Variants in FHIT observed in about 807,000 individuals in gnomAD.
FHIT encodes the protein fragile histidine triad diadenosine triphosphatase.
A neutral mutation model predicts 17.9 loss-of-function variants in FHIT; 19 were observed. That is an observed-to-expected ratio of 1.06 (90% CI 0.74 to 1.56). The LOEUF (loss-of-function observed/expected upper bound fraction) is 1.56, where lower values mean the gene tolerates loss of function less well. FHIT is among the 40% of genes most tolerant of loss of function. The pLI, the probability that FHIT is intolerant of heterozygous loss-of-function variation, is 0.00. For missense variants in FHIT, 248 were observed against 189.2 expected, an observed-to-expected ratio of 1.31 and a Z score of -1.82; for synonymous variants, 81 against 69.7, an observed-to-expected ratio of 1.16 and a Z score of -0.81.
intron 3 of FHIT, among the ~76,000 whole-genome samples, chr3:60,881,955 TA>T (rs1204116245): frequency 6.6e-6 from 1 of 151,920 alleles, no homozygotes; most frequent in Non-Finnish European, 1.5e-5. Context: ...GATCAATTTT[TA>T]AAACTTTTTT....
At chr3:60,234,812 T>C (rs1348275184) in intron 5 of FHIT, among the ~76,000 whole-genome samples, 4 of 152,198 alleles carry the variant, frequency 2.6e-5, no homozygotes, top group Non-Finnish European at 5.9e-5. Context: ...CTTCATTATG[T>C]GTCTCAGGAG....
chr3:60,384,597 G>C (rs1244034851), intron 5 of FHIT, among the ~76,000 whole-genome samples: 2 of 152,060 alleles, frequency 1.3e-5, no homozygotes, highest in African/African-American at 4.8e-5. Context: ...AAACTGGTCA[G>C]TCATGGACAT....
intron 5 of FHIT, among the ~76,000 whole-genome samples, chr3:60,235,511 G>A (rs1704736894): frequency 6.6e-6 from 1 of 152,114 alleles, no homozygotes; most frequent in Non-Finnish European, 1.5e-5. Context: ...TTACAGGCGT[G>A]AGCCACCGTG....
chr3:60,658,435 T>C (rs1322717864), intron 4 of FHIT, among the ~76,000 whole-genome samples: 1 of 152,116 alleles, frequency 6.6e-6, no homozygotes, highest in African/African-American at 2.4e-5. Flanking sequence ...TCCTTTCTCA[T>C]TTCCCCTTGT....
chr3:60,498,828 C>T (rs1482277677), intron 5 of FHIT, among the ~76,000 whole-genome samples: 5 of 150,780 alleles, frequency 3.3e-5, no homozygotes, highest in Admixed American at 2.6e-4. Flanking sequence ...CAAATTTAAG[C>T]TCAACTTAAA....
chr3:59,866,628 G>C (rs1702664141), intron 8 of FHIT, among the ~76,000 whole-genome samples: 1 of 152,164 alleles, frequency 6.6e-6, no homozygotes, highest in Non-Finnish European at 1.5e-5. Flanking sequence ...CTGGATCTGG[G>C]ATATGTCTAA....
intron 8 of FHIT, among the ~76,000 whole-genome samples, chr3:59,907,381 A>G (rs1266865402): frequency 6.6e-6 from 1 of 152,212 alleles, no homozygotes; most frequent in African/African-American, 2.4e-5. Context: ...AAGTGCATCT[A>G]TTGCTTAGCA....
At chr3:61,206,381 G>A (rs985018031) in intron 1 of FHIT, among the ~76,000 whole-genome samples, 6 of 145,882 alleles carry the variant, frequency 4.1e-5, no homozygotes, top group African/African-American at 1.5e-4. Context: ...TCATGGGGAT[G>A]GCATTGAATC....
chr3:60,328,262 C>T (rs1388174620), intron 5 of FHIT, among the ~76,000 whole-genome samples: 2 of 152,178 alleles, frequency 1.3e-5, no homozygotes, highest in African/African-American at 4.8e-5. Context: ...GCAACTAACA[C>T]ATGGATCAAT....
At chr3:60,665,852 G>A (rs963065175) in intron 4 of FHIT, among the ~76,000 whole-genome samples, 4 of 151,906 alleles carry the variant, frequency 2.6e-5, no homozygotes, top group Non-Finnish European at 5.9e-5. Context: ...TCATTCCTCT[G>A]TTTCTCTTTT....
intron 5 of FHIT, among the ~76,000 whole-genome samples, chr3:60,243,252 C>T (rs1334507125): frequency 6.6e-6 from 1 of 152,004 alleles, no homozygotes; most frequent in Non-Finnish European, 1.5e-5. Flanking sequence ...AAAGAGTTAA[C>T]ACTCAATGAA....
At chr3:60,252,860 T>C (rs909434551) in intron 5 of FHIT, among the ~76,000 whole-genome samples, 3 of 150,234 alleles carry the variant, frequency 2.0e-5, no homozygotes, top group African/African-American at 7.3e-5. Context: ...TAGCCGGGCG[T>C]GGTGGCGGGT....
chr3:61,184,326 G>A (rs1346560172), intron 2 of FHIT, among the ~76,000 whole-genome samples: 1 of 152,044 alleles, frequency 6.6e-6, no homozygotes, highest in Non-Finnish European at 1.5e-5. Context: ...TTCCAAGACA[G>A]CCAGAGGATA....
At chr3:60,495,659 G>T (rs920589557) in intron 5 of FHIT, among the ~76,000 whole-genome samples, 1 of 151,972 alleles carries the variant, frequency 6.6e-6, no homozygotes, top group Non-Finnish European at 1.5e-5. Flanking sequence ...TTCCATAAAT[G>T]AATCCATGTA....
intron 5 of FHIT, among the ~76,000 whole-genome samples, chr3:60,018,090 C>T (rs372206929): frequency 6.6e-6 from 1 of 152,180 alleles, no homozygotes; most frequent in South Asian, 2.1e-4. Flanking sequence ...CCAAGAAGCA[C>T]GATGCTGGCT....
At chr3:60,526,852 T>A (rs1250033459) in intron 5 of FHIT, among the ~76,000 whole-genome samples, 1 of 151,958 alleles carries the variant, frequency 6.6e-6, no homozygotes, top group Non-Finnish European at 1.5e-5. Context: ...GTGGAAAGCA[T>A]CCCCCAAGAG....
chr3:60,218,350 C>T (rs994649732), intron 5 of FHIT, among the ~76,000 whole-genome samples: 4 of 152,062 alleles, frequency 2.6e-5, no homozygotes, highest in African/African-American at 9.7e-5. Flanking sequence ...AAAGAAAATG[C>T]TTAATTCTTA....
At chr3:60,340,642 T>C (rs553033523) in intron 5 of FHIT, among the ~76,000 whole-genome samples, 2 of 152,346 alleles carry the variant, frequency 1.3e-5, no homozygotes, top group South Asian at 2.1e-4. Context: ...TAATTAATTA[T>C]TGAGAATATA....
At chr3:61,052,617 G>T (rs994615650) in intron 2 of FHIT, among the ~76,000 whole-genome samples, 3 of 152,194 alleles carry the variant, frequency 2.0e-5, no homozygotes, top group African/African-American at 7.2e-5. Context: ...AGTTGTTATT[G>T]GAGTCAACAG....
Sources: allele counts gnomAD v4.1 joint callset (sites outside exome capture counted in the v4.1 genomes callset), GRCh38; gene constraint gnomAD v4.1.1; transcripts MANE v1.5; gene names NCBI Gene and HGNC (gene_info 2026-07-23, HGNC 2026-07-21).